The following SESTD1 variants were observed in gnomAD, a reference collection of about 807,000 sequenced individuals.
SESTD1 encodes the protein SEC14 and spectrin domain containing 1, also known as SEC14 domain and spectrin repeat-containing protein 1.
Under a neutral mutation model 101.7 loss-of-function variants are expected in SESTD1, and 43 were observed. The observed-to-expected ratio is 0.42, with a 90% confidence interval of 0.33 to 0.55. SESTD1 has a LOEUF of 0.55. Among genes scored for constraint, SESTD1 ranks in the 20% least tolerant of loss-of-function variants. SESTD1 has a pLI of 0.07. For missense variants in SESTD1, 647 were observed against 815.1 expected, an observed-to-expected ratio of 0.79 and a Z score of 2.51; for synonymous variants, 283 against 286.8, an observed-to-expected ratio of 0.99 and a Z score of 0.13.
chr2:179,163,918 T>G (rs1170092365), intron 5 of SESTD1, among the ~76,000 whole-genome samples: 1 of 152,220 alleles, frequency 6.6e-6, no homozygotes, highest in Non-Finnish European at 1.5e-5. Context: ...TTATTCCTTC[T>G]GTAACTATAA....
At chr2:179,262,331 A>G (rs555394930) in intron 1 of SESTD1, among the ~76,000 whole-genome samples, 1 of 152,208 alleles carries the variant, frequency 6.6e-6, no homozygotes, top group Non-Finnish European at 1.5e-5. Context: ...CATACTTTAA[A>G]AAAGTGAATT....
intron 16 of SESTD1, among the ~76,000 whole-genome samples, chr2:179,114,601 A>T (rs1458814399): frequency 3.3e-5 from 5 of 152,146 alleles, no homozygotes; most frequent in South Asian, 2.1e-4. Context: ...TAAAGAACAC[A>T]TATAAAAAAG....
At chr2:179,192,567 T>G (rs942946533) in intron 1 of SESTD1, among the ~76,000 whole-genome samples, 1 of 152,194 alleles carries the variant, frequency 6.6e-6, no homozygotes, top group Admixed American at 6.6e-5. Context: ...TCACTATTCT[T>G]TGATTCAGTT....
chr2:179,175,980 T>G (rs1296652710), intron 4 of SESTD1, among the ~76,000 whole-genome samples: 2 of 152,202 alleles, frequency 1.3e-5, no homozygotes, highest in Non-Finnish European at 2.9e-5. Context: ...TGAATCCTGA[T>G]GCTTTATGTA....
At chr2:179,168,054 C>T (rs548341970) in intron 5 of SESTD1, among the ~76,000 whole-genome samples, 13 of 152,242 alleles carry the variant, frequency 8.5e-5, no homozygotes, top group South Asian at 4.2e-4. Flanking sequence ...CCACCGCACC[C>T]GGTGAGAAAG....
At chr2:179,164,917 A>G (rs2045808227) in intron 5 of SESTD1, among the ~76,000 whole-genome samples, 1 of 152,192 alleles carries the variant, frequency 6.6e-6, no homozygotes, top group Admixed American at 6.5e-5. Context: ...GATCACCACT[A>G]CTCTTAACGA....
chr2:179,238,712 T>A (rs1380380247), intron 1 of SESTD1, among the ~76,000 whole-genome samples: 1 of 152,106 alleles, frequency 6.6e-6, no homozygotes, highest in Non-Finnish European at 1.5e-5. Context: ...CCAAATTGAG[T>A]ATATGGCCCT....
At chr2:179,192,820 T>C (rs572810907) in intron 1 of SESTD1, among the ~76,000 whole-genome samples, 176 of 152,338 alleles carry the variant, frequency 1.2e-3, no homozygotes, top group African/African-American at 4.0e-3. Flanking sequence ...CTTATACTCA[T>C]GTCTGAGAGA....
chr2:179,145,181 T>C (rs1006323649), intron 8 of SESTD1, among the ~76,000 whole-genome samples: 3 of 152,196 alleles, frequency 2.0e-5, no homozygotes, highest in African/African-American at 4.8e-5. Context: ...GCTATGAATA[T>C]CAGAATACAT....
At chr2:179,123,992 G>T (rs1240756518) in intron 11 of SESTD1, among the ~76,000 whole-genome samples, 163 bp from the exon 12 acceptor site, 1 of 152,198 alleles carries the variant, frequency 6.6e-6, no homozygotes, top group Non-Finnish European at 1.5e-5. Flanking sequence ...TTATCTGGAA[G>T]ACAGAACACA....
intron 1 of SESTD1, among the ~76,000 whole-genome samples, chr2:179,224,772 G>A (rs1038023913): frequency 2.6e-5 from 4 of 152,152 alleles, no homozygotes; most frequent in African/African-American, 7.2e-5. Context: ...CCTCCATATT[G>A]TTGAACACAT....
At chr2:179,258,465 G>C (rs1363482754) in intron 1 of SESTD1, among the ~76,000 whole-genome samples, 1 of 152,076 alleles carries the variant, frequency 6.6e-6, no homozygotes, top group African/African-American at 2.4e-5. Flanking sequence ...CCCACTAAAG[G>C]AAAGACAATA....
At chr2:179,167,735 G>A (rs910547591) in intron 5 of SESTD1, among the ~76,000 whole-genome samples, 3 of 152,138 alleles carry the variant, frequency 2.0e-5, no homozygotes, top group Admixed American at 6.5e-5. Flanking sequence ...AAGGCAATGA[G>A]ACAGCACTTT....
intron 10 of SESTD1, among the ~76,000 whole-genome samples, chr2:179,131,826 C>T (rs1375416221): frequency 6.6e-6 from 1 of 152,152 alleles, no homozygotes; most frequent in Non-Finnish European, 1.5e-5. Context: ...ACAAAAGGGA[C>T]CCCTAAATGC....
intron 1 of SESTD1, among the ~76,000 whole-genome samples, chr2:179,261,886 T>A (rs145398477): frequency 6.6e-6 from 1 of 152,030 alleles, no homozygotes; most frequent in African/African-American, 2.4e-5. Context: ...TCCAAGAAAA[T>A]TGAAAGCATA....
rs781754723 is a variant in SESTD1, at chr2:179,115,178, A to T, written c.1726T>A (p.Ser576Thr). 18 of 1,613,964 alleles carry T rather than the reference A, an allele frequency of 1.1e-5. No individual in the cohort carries two copies. The highest frequency in any genetic ancestry group is 1.0e-4 in the Admixed American group (6 of 59,978). The change falls in exon 16 of 18, where the codon TCT (serine) becomes ACT (threonine). Residue 576 changes from serine to threonine, a missense_variant. This residue lies in a region of SESTD1 where 476 missense variants were observed against 562.6 expected (regional missense o/e 0.85). Transcript: ENST00000428443. The stretch of plus-strand genomic sequence containing the variant: ...TTCAGTCGAGGAAGTGTATCCCCAG[A>T]TGACCGAGAAGTGCAGCGCAAAGAT... ...CQSLRCTSRS[S>T]GDTLPRLNRV...
chr2:179,263,868 AGG>A (rs1308665173), intron 1 of SESTD1: 1 of 152,460 alleles, frequency 6.6e-6, no homozygotes, highest in Admixed American at 6.5e-5. Context: ...CAAACGCTGG[AGG>A]GATGTTAACC....
chr2:179,223,968 T>G (rs1559150398), intron 1 of SESTD1, among the ~76,000 whole-genome samples: 1 of 152,210 alleles, frequency 6.6e-6, no homozygotes, highest in Non-Finnish European at 1.5e-5. Context: ...AAAGGTTAAA[T>G]TTATTCCTTT....
intron 1 of SESTD1, among the ~76,000 whole-genome samples, chr2:179,202,063 G>A (rs1389753860): frequency 7.5e-6 from 1 of 132,600 alleles, no homozygotes; most frequent in Non-Finnish European, 1.6e-5. Context: ...AAGGAATTTT[G>A]TATGTGATTA....
Sources: allele counts gnomAD v4.1 joint callset (sites outside exome capture counted in the v4.1 genomes callset), GRCh38; gene constraint gnomAD v4.1.1; regional missense constraint gnomAD v4.1.1; transcripts MANE v1.5; gene names NCBI Gene and HGNC (gene_info 2026-07-23, HGNC 2026-07-21).